Variants in TLL1 observed in about 807,000 individuals in gnomAD.
TLL1 encodes the protein tolloid like 1, also known as tolloid-like protein 1.
A neutral mutation model predicts 128.2 loss-of-function variants in TLL1; 49 were observed. The observed-to-expected ratio is 0.38, with a 90% CI of 0.30 to 0.48. TLL1 has a LOEUF of 0.48. Among genes scored for constraint, TLL1 ranks in the 20% least tolerant of loss-of-function variants. The pLI is 0.96. For synonymous variants in TLL1, 454 were observed against 418.8 expected (o/e 1.08, Z -1.03); for missense variants, 1,123 against 1,242.0 (o/e 0.90, Z 1.44).
intron 1 of TLL1, among the ~76,000 whole-genome samples, chr4:165,971,846 A>T (rs932146322): frequency 6.6e-6 from 1 of 152,134 alleles, no homozygotes; most frequent in Non-Finnish European, 1.5e-5. Context: ...GGGGCTTGCC[A>T]CTCGATGGAA....
At chr4:166,086,480 G>GTCAA (rs2111152043) in intron 18 of TLL1, among the ~76,000 whole-genome samples, 1 of 152,202 alleles carries the variant, frequency 6.6e-6, no homozygotes, top group South Asian at 2.1e-4. Context: ...TATGTAAAGG[G>GTCAA]TCAAGGTGGT....
At chr4:166,014,306 CTGCTTAAAGCACA>C in intron 7 of TLL1, 117 bp from the exon 8 acceptor site, 2 of 1,364,920 alleles carry the variant, frequency 1.5e-6, no homozygotes, top group Non-Finnish European at 2.1e-6. Flanking sequence ...GCCTGATACA[CTGCTTAAAGCACA>C]CAAGGTGTAG....
intron 1 of TLL1, among the ~76,000 whole-genome samples, chr4:165,879,898 C>G (rs1730903477): frequency 2.0e-5 from 3 of 152,116 alleles, no homozygotes; most frequent in Non-Finnish European, 4.4e-5. Flanking sequence ...AACCTCTTAA[C>G]AGTTCTTTCA....
intron 1 of TLL1, among the ~76,000 whole-genome samples, chr4:165,907,553 T>G (rs1732319385): frequency 6.6e-6 from 1 of 150,712 alleles, no homozygotes; most frequent in African/African-American, 2.4e-5. Context: ...TGCAAGCCTT[T>G]TTTTTTTTTT....
intron 1 of TLL1, among the ~76,000 whole-genome samples, chr4:165,879,152 G>A (rs1009474443): frequency 4.0e-5 from 6 of 151,772 alleles, no homozygotes; most frequent in African/African-American, 1.2e-4. Flanking sequence ...TCACCATGTT[G>A]CCTAGGCTGG....
chr4:165,993,468 C>T (rs73863518), intron 3 of TLL1, among the ~76,000 whole-genome samples: 9 of 151,996 alleles, frequency 5.9e-5, no homozygotes, highest in South Asian at 2.1e-4. Flanking sequence ...CATATTCTAA[C>T]GTTCCTTAAA....
chr4:165,877,777 CT>C (rs35301128), intron 1 of TLL1, among the ~76,000 whole-genome samples: 26,198 of 143,636 alleles, frequency 0.18, 2,726 homozygotes, highest in African/African-American at 0.32. Context: ...CTTCTTCTTT[CT>C]TTTTTTTTTT....
intron 1 of TLL1, among the ~76,000 whole-genome samples, chr4:165,978,713 C>A (rs1012229436): frequency 6.6e-6 from 1 of 152,116 alleles, no homozygotes; most frequent in Non-Finnish European, 1.5e-5. Flanking sequence ...TCATTTGTTT[C>A]TTTGCATTAA....
intron 15 of TLL1, among the ~76,000 whole-genome samples, chr4:166,064,627 C>T (rs889385523): frequency 5.9e-5 from 9 of 152,040 alleles, no homozygotes; most frequent in Non-Finnish European, 1.3e-4. Context: ...ACTTGACTTA[C>T]AGAATAATGG....
chr4:165,914,566 C>T (rs1732695156), intron 1 of TLL1, among the ~76,000 whole-genome samples: 5 of 152,190 alleles, frequency 3.3e-5, no homozygotes, highest in Admixed American at 3.3e-4. Context: ...CATAGATGCT[C>T]ACAGTAGCTC....
intron 5 of TLL1, among the ~76,000 whole-genome samples, chr4:166,002,710 G>T (rs1385152699): frequency 3.3e-5 from 5 of 152,110 alleles, no homozygotes; most frequent in Non-Finnish European, 7.4e-5. Context: ...CTTCCGAAGT[G>T]CTAGGATTAC....
Position 166,066,006 on chromosome 4 carries a change from T to C in TLL1, c.2188+143T>C. The stretch of plus-strand genomic sequence containing the variant: ...CTTACAAACAACACAAAAATAATTA[T>C]AGCAATATTTTTATACAGTGACTTT... On this transcript the variant is annotated intron_variant, in intron 16 of 20. Coordinates refer to ENST00000061240, the MANE Select transcript of TLL1 (RefSeq NM_012464.5). 3 of 162,696 alleles carry C rather than the reference T, an allele frequency of 1.8e-5. 1 individual carries two copies. The highest frequency in any genetic ancestry group is 9.6e-6 in the Non-Finnish European group (1 of 104,660). The allele number at this position is 162,696 out of a possible 1,614,324, so 10.1% of individuals were successfully genotyped here. A position where few individuals can be genotyped will look rare whatever the true frequency, so the allele number is the denominator to read the frequency against.
In TLL1 at chr4:165,903,196, G is replaced by T. The variant is rs936428187; in HGVS notation, c.169+29123G>T. On this transcript the variant is annotated intron_variant, in intron 1 of 20. Coordinates refer to ENST00000061240, the MANE Select transcript of TLL1 (RefSeq NM_012464.5). ...TCTAGTAAAATACAAAAATTAGCTG[G>T]GTGTGGTGGTGCATGCCCGTGGTCT... Among the ~76,000 whole-genome samples, 8 of 151,852 alleles carry T rather than the reference G, an allele frequency of 5.3e-5. No individual in the cohort carries two copies. In the South Asian group the frequency reaches 6.2e-4, roughly 12 times the overall value.
At chr4:166,021,827 C>G (rs762354242) in intron 8 of TLL1, among the ~76,000 whole-genome samples, 1 of 152,068 alleles carries the variant, frequency 6.6e-6, no homozygotes, top group South Asian at 2.1e-4. Flanking sequence ...TCCTGTTGGC[C>G]TCTTGCCTTT....
At chr4:165,925,872 C>A (rs1000925896) in intron 1 of TLL1, among the ~76,000 whole-genome samples, 1 of 152,104 alleles carries the variant, frequency 6.6e-6, no homozygotes, top group African/African-American at 2.4e-5. Context: ...CCTCCATCAG[C>A]AAAAAGATTA....
intron 1 of TLL1, among the ~76,000 whole-genome samples, chr4:165,956,664 A>AT (rs374796841): frequency 0.012 from 1,887 of 152,198 alleles, 40 homozygotes; most frequent in African/African-American, 0.044. Flanking sequence ...ACGTTTTACA[A>AT]TCAATTTGTA....
At chr4:165,882,837 C>T (rs1246381483) in intron 1 of TLL1, among the ~76,000 whole-genome samples, 8 of 151,862 alleles carry the variant, frequency 5.3e-5, no homozygotes, top group Admixed American at 2.6e-4. Context: ...AGGCTGGTCT[C>T]GAACTCCCAA....
At chr4:166,078,071 C>T in intron 18 of TLL1, 41 bp downstream of exon 18, 1 of 1,610,842 alleles carries the variant, frequency 6.2e-7, no homozygotes, top group Non-Finnish European at 8.5e-7. Context: ...AAGCTGACTG[C>T]CCTTGTCTTT....
intron 13 of TLL1, 101 bp from the exon 14 acceptor site, chr4:166,057,083 T>A: frequency 1.5e-6 from 2 of 1,367,168 alleles, no homozygotes; most frequent in South Asian, 1.2e-5. Context: ...TTGGGAGATA[T>A]CATTCAAGGT....
Sources: allele counts gnomAD v4.1 joint callset (sites outside exome capture counted in the v4.1 genomes callset), GRCh38; gene constraint gnomAD v4.1.1; transcripts MANE v1.5; gene names NCBI Gene and HGNC (gene_info 2026-07-23, HGNC 2026-07-21).